RALYL: variants seen among roughly 807,000 people sequenced by gnomAD.
RALYL encodes the protein RNA-binding Raly-like protein.
A neutral mutation model predicts 35.1 loss-of-function variants in RALYL; 29 were observed. That is an observed-to-expected ratio of 0.83 (90% CI 0.61 to 1.13). The LOEUF is 1.13. Among genes scored for constraint, RALYL ranks in the 50% most tolerant of loss-of-function variants. The pLI, the probability that RALYL is intolerant of heterozygous loss-of-function variation, is 0.00. For missense variants in RALYL, 359 were observed against 360.4 expected (o/e 1.00, Z 0.03); for synonymous variants, 120 against 127.6 (o/e 0.94, Z 0.40).
intron 4 of RALYL, among the ~76,000 whole-genome samples, chr8:84,843,654 T>C (rs567744601): frequency 6.6e-6 from 1 of 152,202 alleles, no homozygotes; most frequent in South Asian, 2.1e-4. Context: ...GAGCCCACAT[T>C]GCCAAGTCAA....
In RALYL at chr8:84,492,258, A is replaced by G. The variant is rs1196709940; in HGVS notation, c.-23-37041A>G. ...AACTAAAAGTAACTTTCCATCCCCA[A>G]ACCAGAACACCAATCCCTACATTTA... On this transcript the variant is annotated intron_variant, in intron 1 of 8. Coordinates refer to ENST00000521268, the MANE Select transcript of RALYL (RefSeq NM_173848.7). Among the ~76,000 whole-genome samples the G allele has an allele frequency of 3.3e-5, 5 of 152,152 alleles. No individual in the cohort carries two copies. In the South Asian group the frequency reaches 1.0e-3, roughly 32 times the overall value.
intron 2 of RALYL, among the ~76,000 whole-genome samples, chr8:84,581,081 T>G (rs1270775560): frequency 6.6e-6 from 1 of 152,176 alleles, no homozygotes; most frequent in African/African-American, 2.4e-5. Flanking sequence ...AGATTGAACT[T>G]TCCATGTTGG....
At chr8:84,272,446 C>G (rs1010280697) in intron 1 of RALYL, among the ~76,000 whole-genome samples, 5 of 152,132 alleles carry the variant, frequency 3.3e-5, no homozygotes, top group African/African-American at 1.2e-4. Flanking sequence ...AAGCATCCAT[C>G]TGGAGAGAAA....
intron 2 of RALYL, among the ~76,000 whole-genome samples, chr8:84,588,640 T>C (rs998783012): frequency 6.6e-6 from 1 of 152,170 alleles, no homozygotes; most frequent in South Asian, 2.1e-4. Context: ...TTTTGATGTC[T>C]ACCTGAAATT....
chr8:84,489,024 GTCACAGATATCCACGTGTAT>G (rs1248416220), intron 1 of RALYL, among the ~76,000 whole-genome samples: 25 of 152,128 alleles, frequency 1.6e-4, no homozygotes, highest in African/African-American at 5.8e-4. Context: ...TAATGATATA[GTCACAGATATCCACGTGTAT>G]TCACTATTTT....
At chr8:84,476,753 G>C (rs976374240) in intron 1 of RALYL, among the ~76,000 whole-genome samples, 1 of 152,156 alleles carries the variant, frequency 6.6e-6, no homozygotes, top group African/African-American at 2.4e-5. Context: ...ATGATTTAGG[G>C]GAAATGTTGG....
intron 4 of RALYL, among the ~76,000 whole-genome samples, chr8:84,849,131 G>C (rs1471448729): frequency 6.6e-6 from 1 of 152,184 alleles, no homozygotes; most frequent in Admixed American, 6.5e-5. Flanking sequence ...AACAAGGCAA[G>C]TGGATGGAGG....
chr8:84,485,140 A>T (rs188347188), intron 1 of RALYL, among the ~76,000 whole-genome samples: 1 of 152,160 alleles, frequency 6.6e-6, no homozygotes, highest in East Asian at 1.9e-4. Flanking sequence ...TTCCATTCTT[A>T]GTTCTATATA....
chr8:84,454,186 C>G (rs567878393), intron 1 of RALYL, among the ~76,000 whole-genome samples: 1 of 152,072 alleles, frequency 6.6e-6, no homozygotes, highest in East Asian at 2.0e-4. Context: ...TCAGGTAGGG[C>G]AGAGAGCATG....
At chr8:84,740,821 T>C (rs897748876) in intron 2 of RALYL, among the ~76,000 whole-genome samples, 5 of 152,102 alleles carry the variant, frequency 3.3e-5, no homozygotes, top group African/African-American at 1.2e-4. Context: ...TTGTAAGCTA[T>C]CAAAGTCTTT....
intron 4 of RALYL, among the ~76,000 whole-genome samples, chr8:84,807,785 CAT>C (rs1431262866): frequency 6.6e-6 from 1 of 152,066 alleles, no homozygotes; most frequent in Admixed American, 6.5e-5. Flanking sequence ...AGCATTTTTT[CAT>C]ATGTTTCTTG....
chr8:84,662,677 T>C (rs1396457974), intron 2 of RALYL, among the ~76,000 whole-genome samples: 1 of 152,110 alleles, frequency 6.6e-6, no homozygotes, highest in Non-Finnish European at 1.5e-5. Flanking sequence ...TTGAAACTTT[T>C]CAAAATTAAA....
chr8:84,687,619 A>T (rs1164887579), intron 2 of RALYL, among the ~76,000 whole-genome samples: 1 of 152,154 alleles, frequency 6.6e-6, no homozygotes, highest in Non-Finnish European at 1.5e-5. Context: ...GTAATAATTT[A>T]AAAAATGTGT....
At chr8:84,368,869 C>T (rs542912723) in intron 1 of RALYL, among the ~76,000 whole-genome samples, 2 of 152,148 alleles carry the variant, frequency 1.3e-5, no homozygotes, top group Non-Finnish European at 2.9e-5. Context: ...AACAGTTATA[C>T]ACTGAAATAA....
At chr8:84,379,859 C>T (rs985871232) in intron 1 of RALYL, among the ~76,000 whole-genome samples, 1 of 146,304 alleles carries the variant, frequency 6.8e-6, no homozygotes, top group Non-Finnish European at 1.5e-5. Flanking sequence ...TTCTCTCAAG[C>T]TCAAAAAAAA....
chr8:84,414,118 G>T (rs2044376243), intron 1 of RALYL, among the ~76,000 whole-genome samples: 1 of 151,638 alleles, frequency 6.6e-6, no homozygotes, highest in African/African-American at 2.4e-5. Context: ...CTTCCATTTT[G>T]TCCCTGATGA....
chr8:84,899,753 C>T (rs1435786892), intron 8 of RALYL, among the ~76,000 whole-genome samples: 5 of 152,116 alleles, frequency 3.3e-5, no homozygotes, highest in Non-Finnish European at 5.9e-5. Flanking sequence ...TTGTCTCCCA[C>T]GAGTGATAGA....
intron 1 of RALYL, among the ~76,000 whole-genome samples, chr8:84,367,012 G>A (rs1009048040): frequency 2.6e-5 from 4 of 151,744 alleles, no homozygotes; most frequent in Non-Finnish European, 4.4e-5. Flanking sequence ...AAACTGTACC[G>A]TGGTGTTCGG....
At chr8:84,746,777 A>G (rs1369770972) in intron 2 of RALYL, among the ~76,000 whole-genome samples, 2 of 151,980 alleles carry the variant, frequency 1.3e-5, no homozygotes, top group Non-Finnish European at 2.9e-5. Context: ...ACTTAATAAT[A>G]AAGTCATTTA....
Sources: allele counts gnomAD v4.1 joint callset (sites outside exome capture counted in the v4.1 genomes callset), GRCh38; gene constraint gnomAD v4.1.1; transcripts MANE v1.5; gene names NCBI Gene and HGNC (gene_info 2026-07-23, HGNC 2026-07-21).